Variants in ZNF594 observed in about 807,000 individuals in gnomAD.
The protein encoded by ZNF594 is zinc finger protein 594.
For missense variants in ZNF594, 1,037 were observed against 964.6 expected (o/e 1.08, Z -0.99); for synonymous variants, 336 against 309.4 (o/e 1.09, Z -0.90).
chr17:5,187,002 C>G lies in ZNF594; in HGVS notation c.-20-2726G>C, dbSNP rs1335445332. Among the ~76,000 whole-genome samples, 3 of 152,236 alleles carry G rather than the reference C, an allele frequency of 2.0e-5. No individual in the cohort carries two copies. The East Asian group carries it at 5.8e-4, about 29-fold the overall frequency. Reference sequence around the variant, plus strand: ...ATTTTCCTGTCTTCTTCTGAGCCCCCCAGACTGTTCCGACCTTTGCCTGTT... The same window carrying G: ...ATTTTCCTGTCTTCTTCTGAGCCCCGCAGACTGTTCCGACCTTTGCCTGTT... On this transcript the variant is annotated intron_variant, in intron 1 of 1. Transcript: ENST00000575779.
chr17:5,185,397 T>C (rs2074379687), intron 1 of ZNF594, among the ~76,000 whole-genome samples: 1 of 152,138 alleles, frequency 6.6e-6, no homozygotes, highest in African/African-American at 2.4e-5. Flanking sequence ...ACCATGAGAA[T>C]AGTAGGGGGG....
At chr17:5,191,020 T>C (rs913065824) in intron 1 of ZNF594, among the ~76,000 whole-genome samples, 1 of 152,204 alleles carries the variant, frequency 6.6e-6, no homozygotes, top group Non-Finnish European at 1.5e-5. Flanking sequence ...TTTCAACTTT[T>C]TGCCAGTTCT....
downstream of ZNF594, among the ~76,000 whole-genome samples, chr17:5,177,931 A>G (rs532809221): frequency 1.3e-4 from 20 of 152,344 alleles, no homozygotes; most frequent in African/African-American, 4.6e-4. Context: ...TTGAATTATT[A>G]GAAGTCAAAC....
rs1555610759 is a variant in ZNF594 at position 5,187,905 on chromosome 17, T to TTA, written c.-20-3630_-20-3629insTA. Among the ~76,000 whole-genome samples the TTA allele has an allele frequency of 6.8e-3, 1,014 of 148,960 alleles. 21 individuals are homozygous for TTA. Among genetic ancestry groups the TTA allele is most frequent in the African/African-American group, 0.023 (936 of 40,658 alleles). ...GGATTTCCTTTTTTTTTTTTTTTTTTAGAGATATGGTCTCACCATGTTGCC... is the reference window on the plus strand; with the variant it reads ...GGATTTCCTTTTTTTTTTTTTTTTTTTAAGAGATATGGTCTCACCATGTTGCC... On this transcript the variant is annotated intron_variant, in intron 1 of 1. Coordinates refer to ENST00000575779, the MANE Select transcript of ZNF594 (RefSeq NM_032530.2).
Position 5,184,064 on chromosome 17 carries a change from C to CCG in ZNF594, c.192_193insCG (p.Gly65ArgfsTer51). On this transcript the variant is annotated frameshift_variant, in exon 2 of 2. Transcript: ENST00000575779. LOFTEE classifies it low-confidence loss of function (END_TRUNC). ...GGGATAATATGCATTTCCCTGATAC[C>CCG]GCTCTCTTGGGAAGGGAGATGTCTC... The CCG allele has an allele frequency of 6.2e-7, 1 of 1,614,128 alleles. No individual in the cohort carries two copies. Among genetic ancestry groups the CCG allele is most frequent in the Admixed American group, 1.7e-5 (1 of 60,020 alleles).
At position 5,181,044 on chromosome 17, in the gene ZNF594, C is replaced by A; in HGVS notation, c.*789G>T. 1 of 1,117,252 alleles carries A rather than the reference C, an allele frequency of 9.0e-7. No individual in the cohort carries two copies. Among genetic ancestry groups the A allele is most frequent in the Non-Finnish European group, 1.3e-6 (1 of 745,042 alleles). The allele number at this position is 1,117,252 out of a possible 1,614,324, so 69.2% of individuals were successfully genotyped here. A position where few individuals can be genotyped will look rare whatever the true frequency, so the allele number is the denominator to read the frequency against. On this transcript the variant is annotated 3_prime_UTR_variant, in exon 2 of 2. Coordinates refer to ENST00000575779, the MANE Select transcript of ZNF594 (RefSeq NM_032530.2). ...AGCTGTCCACCCACTGAAGGCCTTA[C>A]CACAGTTGCTACATTCAAAGGGTTT...
At chr17:5,187,859 A>C (rs1195947194) in intron 1 of ZNF594, among the ~76,000 whole-genome samples, 1 of 151,370 alleles carries the variant, frequency 6.6e-6, no homozygotes, top group Non-Finnish European at 1.5e-5. Context: ...TGTCCATAGA[A>C]CAGACCTCCA....
In ZNF594 at chr17:5,182,793, AT is replaced by A. The variant is rs1461974431; in HGVS notation, c.1463del (p.Tyr488PhefsTer101). On this transcript the variant is annotated frameshift_variant, in exon 2 of 2. Transcript: ENST00000575779. LOFTEE classifies it low-confidence loss of function (END_TRUNC). Reference sequence around the variant, plus strand: ...AGGCTTTCCCACATTCAGTGCACTGATAGGGCTTCTCTCCAGTATGGATTTT... The same window carrying A: ...AGGCTTTCCCACATTCAGTGCACTGAAGGGCTTCTCTCCAGTATGGATTTT... ...HQKIHTGEKP[Y>X]QCTECGKAFR... 6.2e-7 allele frequency: 1 copy of A among 1,613,918 alleles called. No individual in the cohort carries two copies. The highest frequency in any genetic ancestry group is 1.7e-5 in the Admixed American group (1 of 59,980).
In ZNF594 at chr17:5,182,429, C is replaced by T; in HGVS notation, c.1828G>A (p.Asp610Asn). The change falls in exon 2 of 2, where the codon GAC becomes AAC. Residue 610 changes from aspartate (D) to asparagine (N), a missense_variant. By Grantham distance (23) the Asp-to-Asn change is conservative (BLOSUM62 1). Coordinates refer to ENST00000575779, the MANE Select transcript of ZNF594 (RefSeq NM_032530.2). Reference protein sequence around the residue: ...ECGKTFNQSSDLLRHHRIHSG... With the variant: ...ECGKTFNQSSNLLRHHRIHSG... ...TGAATTCTATGATGTCTCAGAAGGT[C>T]TGAGCTCTGATTGAAAGTTTTCCCA... 8 of 1,613,686 alleles carry T rather than the reference C, an allele frequency of 5.0e-6. No homozygotes were observed. Among genetic ancestry groups the T allele is most frequent in the Non-Finnish European group, 6.8e-6 (8 of 1,179,986 alleles).
Position 5,183,428 on chromosome 17 carries a change from T to G in ZNF594, c.829A>C (p.Ser277Arg), listed in dbSNP as rs1011800485. The change falls in exon 2 of 2, where the codon AGT becomes CGT. Residue 277 changes from serine to arginine, a missense_variant. Ser to Arg is a moderately radical substitution (Grantham distance 110). Transcript: ENST00000575779. ...YECYDCGQMF[S>R]QSSHLVPHQR... Reference sequence around the variant, plus strand: ...TGTGGGACAAGGTGTGAACTTTGACTGAACATCTGTCCACAGTCATAACAT... The same window carrying G: ...TGTGGGACAAGGTGTGAACTTTGACGGAACATCTGTCCACAGTCATAACAT... 3 of 1,613,784 alleles carry G rather than the reference T, an allele frequency of 1.9e-6. No individual in the cohort carries two copies. Among genetic ancestry groups the G allele is most frequent in the Non-Finnish European group, 1.7e-6 (2 of 1,180,032 alleles).
Position 5,181,147 on chromosome 17 carries a change from A to C in ZNF594, c.*686T>G, listed in dbSNP as rs1400513994. 6.2e-7 allele frequency: 1 copy of C among 1,603,998 alleles called. No individual in the cohort carries two copies. Among genetic ancestry groups the C allele is most frequent in the East Asian group, 2.2e-5 (1 of 44,854 alleles). ...GCCTTCCAACATTCAGGGCATTCAT[A>C]GGGTTTCTCTCCAGTATGAACACGA... On this transcript the variant is annotated 3_prime_UTR_variant, in exon 2 of 2. Transcript: ENST00000575779.
chr17:5,189,475 G>C (rs1394146458), intron 1 of ZNF594, among the ~76,000 whole-genome samples: 5 of 151,910 alleles, frequency 3.3e-5, no homozygotes, highest in African/African-American at 9.7e-5. Context: ...CTGGCCTCAA[G>C]GGATCTTCCT....
rs1408107475 is a variant in ZNF594 at position 5,182,190 on chromosome 17, G to A, written c.2067C>T (p.Phe689=). 2.5e-6 allele frequency: 4 copies of A among 1,613,314 alleles called. No individual in the cohort carries two copies. Among genetic ancestry groups the A allele is most frequent in the Non-Finnish European group, 3.4e-6 (4 of 1,179,950 alleles). The change falls in exon 2 of 2, where the codon TTC becomes TTT. Residue 689 remains phenylalanine, a synonymous_variant. Coordinates refer to ENST00000575779, the MANE Select transcript of ZNF594 (RefSeq NM_032530.2). ...PYQCSECGNA[F]RRRSLLIQHR... is the part of the protein sequence containing the mutation. ...GTTGAATAAGGAGGGAACGCCGCCTGAAGGCATTCCCACATTCACTGCACT... is the reference window on the plus strand; with the variant it reads ...GTTGAATAAGGAGGGAACGCCGCCTAAAGGCATTCCCACATTCACTGCACT...
chr17:5,187,778 A>G (rs1264934047), intron 1 of ZNF594, among the ~76,000 whole-genome samples: 1 of 152,216 alleles, frequency 6.6e-6, no homozygotes, highest in Non-Finnish European at 1.5e-5. Context: ...AGTGCTTTGC[A>G]TACAGAAAGC....
intron 1 of ZNF594, among the ~76,000 whole-genome samples, chr17:5,186,414 C>T (rs1171815416): frequency 1.3e-5 from 2 of 152,230 alleles, no homozygotes; most frequent in Admixed American, 1.3e-4. Context: ...AGGCTGGACA[C>T]AGCATTGGGA....
Position 5,181,149 on chromosome 17 carries a change from G to C in ZNF594, c.*684C>G. The C allele has an allele frequency of 6.2e-7, 1 of 1,605,132 alleles. No individual in the cohort carries two copies. Among genetic ancestry groups the C allele is most frequent in the Non-Finnish European group, 8.5e-7 (1 of 1,173,832 alleles). On this transcript the variant is annotated 3_prime_UTR_variant, in exon 2 of 2. Transcript: ENST00000575779. ...CTTCCAACATTCAGGGCATTCATAG[G>C]GTTTCTCTCCAGTATGAACACGATG... is the stretch of plus-strand genomic sequence containing the variant.
chr17:5,175,636 G>A (rs2074302283), downstream of ZNF594, among the ~76,000 whole-genome samples: 1 of 152,122 alleles, frequency 6.6e-6, no homozygotes. Flanking sequence ...GCCTACATTG[G>A]TACCTACAGT....
At position 5,183,289 on chromosome 17, in the gene ZNF594, T is replaced by C. The variant is rs374447418; in HGVS notation, c.968A>G (p.Tyr323Cys). The C allele has an allele frequency of 3.1e-6, 5 of 1,614,024 alleles. No homozygotes were observed. The highest frequency in any genetic ancestry group is 1.1e-5 in the South Asian group (1 of 91,088). The part of the protein sequence containing the change: ...HQRLHSGEKP[Y>C]ECHRCGKTFS... ...GGTCTTCCCACATCTGTGACATTCA[T>C]AGGGTTTCTCTCCACTGTGGAGTCT... The change falls in exon 2 of 2, where the codon TAT becomes TGT. Residue 323 changes from tyrosine to cysteine, a missense_variant. Coordinates refer to ENST00000575779, the MANE Select transcript of ZNF594 (RefSeq NM_032530.2).
Position 5,184,294 on chromosome 17 carries a change from T to A in ZNF594, c.-20-18A>T. The A allele has an allele frequency of 6.3e-7, 1 of 1,581,268 alleles. No individual in the cohort carries two copies. The highest frequency in any genetic ancestry group is 8.6e-7 in the Non-Finnish European group (1 of 1,167,306). On this transcript the variant is annotated intron_variant, in intron 1 of 1. Coordinates refer to ENST00000575779, the MANE Select transcript of ZNF594 (RefSeq NM_032530.2). ...TTCAGAATCTGAAATGATAAGTAGA[T>A]CATTCTATAATTCCTAAAATACAAA...
Sources: allele counts gnomAD v4.1 joint callset (sites outside exome capture counted in the v4.1 genomes callset), GRCh38; gene constraint gnomAD v4.1.1; transcripts MANE v1.5; gene names NCBI Gene and HGNC (gene_info 2026-07-23, HGNC 2026-07-21).